Variants in EIF2AK4 observed in about 807,000 individuals in gnomAD.
EIF2AK4 encodes eIF-2-alpha kinase GCN2.
EIF2AK4 carries 139 observed loss-of-function variants against 211.1 expected under a neutral mutation model. The observed-to-expected ratio is 0.66, with a 90% CI of 0.57 to 0.76. The LOEUF is 0.76. EIF2AK4 is among the 30% of genes least tolerant of loss of function. The pLI is 0.00. For synonymous variants in EIF2AK4, 710 were observed against 751.3 expected, an observed-to-expected ratio of 0.94 and a Z score of 0.90; for missense variants, 1,664 against 2,043.8, an observed-to-expected ratio of 0.81 and a Z score of 3.58.
intron 32 of EIF2AK4, among the ~76,000 whole-genome samples, chr15:40,025,332 G>A (rs1199469448): frequency 2.0e-5 from 3 of 152,322 alleles, no homozygotes; most frequent in Admixed American, 2.0e-4. Context: ...TTGAACAGAA[G>A]GAGACATCAA....
intron 20 of EIF2AK4, 145 bp downstream of exon 20, chr15:39,998,929 C>T: frequency 1.5e-6 from 1 of 664,128 alleles, no homozygotes; most frequent in Non-Finnish European, 2.4e-6. Flanking sequence ...AGATGAAGCA[C>T]TTAAAATGTC....
Position 39,934,136 on chromosome 15 carries a change from G to GGCTGCCGGGGGCCC in EIF2AK4, c.-59_-46dup, listed in dbSNP as rs915787821. 4 of 1,234,304 alleles carry GGCTGCCGGGGGCCC rather than the reference G, an allele frequency of 3.2e-6. No individual in the cohort carries two copies. The highest frequency in any genetic ancestry group is 4.0e-6 in the Non-Finnish European group (4 of 991,512). 76.5% of individuals were successfully genotyped at this position (1,234,304 alleles called of 1,614,324 possible). On this transcript the variant is annotated 5_prime_UTR_variant, in exon 1 of 39. Coordinates refer to ENST00000263791, the MANE Select transcript of EIF2AK4 (RefSeq NM_001013703.4). ...CCCCAGCGCGGAGCCCCGCCCCGCAGGCTGCCGGGGGCCCACCGCCGCCCA... is the reference window on the plus strand; with the variant it reads ...CCCCAGCGCGGAGCCCCGCCCCGCAGGCTGCCGGGGGCCCGCTGCCGGGGGCCCACCGCCGCCCA...
intron 2 of EIF2AK4, among the ~76,000 whole-genome samples, chr15:39,940,964 C>T (rs922756797): frequency 6.6e-6 from 1 of 152,078 alleles, no homozygotes; most frequent in Admixed American, 6.5e-5. Flanking sequence ...AACTCAGTTT[C>T]TGTGAGTTAC....
Position 39,953,844 on chromosome 15 carries a change from A to G in EIF2AK4, c.514-60A>G, listed in dbSNP as rs1453431174. 2.0e-5 allele frequency: 31 copies of G among 1,516,020 alleles called. No individual in the cohort carries two copies. In the Middle Eastern group the frequency reaches 1.1e-3, roughly 51 times the overall value. The allele number at this position is 1,516,020 out of a possible 1,614,324, so 93.9% of individuals were successfully genotyped here. A position where few individuals can be genotyped will look rare whatever the true frequency, so the allele number is the denominator to read the frequency against. ...TTAAAAGATTTTTCTGTAGTTCCAT[A>G]ATTTATATGTTGTATGGGTTTCAGA... On this transcript the variant is annotated intron_variant, in intron 4 of 38. Coordinates refer to ENST00000263791, the MANE Select transcript of EIF2AK4 (RefSeq NM_001013703.4).
intron 16 of EIF2AK4, chr15:39,991,301 C>G (rs1033728046): frequency 2.0e-5 from 3 of 152,200 alleles, no homozygotes; most frequent in Non-Finnish European, 4.4e-5. Context: ...GTGCTGAGAC[C>G]AAGGACGGGC....
At chr15:39,994,604 G>C (rs1232360336) in intron 18 of EIF2AK4, among the ~76,000 whole-genome samples, 3 of 152,186 alleles carry the variant, frequency 2.0e-5, no homozygotes, top group Admixed American at 2.0e-4. Flanking sequence ...GCAAGACCCT[G>C]TCTGAATCAA....
chr15:39,944,463 G>A, intron 3 of EIF2AK4, among the ~76,000 whole-genome samples: 1 of 135,846 alleles, frequency 7.4e-6, no homozygotes, highest in South Asian at 2.4e-4. Context: ...GCGGAGTCTT[G>A]CTCTGTCACC....
At chr15:39,999,495 GA>G (rs2035064108) in intron 20 of EIF2AK4, among the ~76,000 whole-genome samples, 1 of 152,058 alleles carries the variant, frequency 6.6e-6, no homozygotes, top group South Asian at 2.1e-4. Context: ...CATTAATGTT[GA>G]GAACAAAAGC....
At chr15:39,998,593 A>C in intron 19 of EIF2AK4, 138 bp from the exon 20 acceptor site, 1 of 626,546 alleles carries the variant, frequency 1.6e-6, no homozygotes. Flanking sequence ...AATAAGCGTC[A>C]GGTTTCAAGA....
At chr15:39,954,147 A>C (rs1329048676) in intron 5 of EIF2AK4, among the ~76,000 whole-genome samples, 163 bp downstream of exon 5, 1 of 152,222 alleles carries the variant, frequency 6.6e-6, no homozygotes, top group Admixed American at 6.5e-5. Context: ...TAGGTGGCAA[A>C]ATTTAGAGTT....
chr15:39,955,069 T>A (rs1274393806), intron 5 of EIF2AK4, among the ~76,000 whole-genome samples: 1 of 152,248 alleles, frequency 6.6e-6, no homozygotes, highest in Admixed American at 6.5e-5. Flanking sequence ...ATGAGATCCC[T>A]GTTTCCACCA....
Position 39,978,162 on chromosome 15 carries a change from A to G in EIF2AK4, c.2319+15A>G. 7.1e-7 allele frequency: 1 copy of G among 1,405,668 alleles called. No individual in the cohort carries two copies. 87.1% of individuals were successfully genotyped at this position (1,405,668 alleles called of 1,614,324 possible). ...GTCAGAATCAGGTATATATATGAAT[A>G]GAAATTATATCATTTTATTCGTGAT... On this transcript the variant is annotated intron_variant, in intron 13 of 38. Coordinates refer to ENST00000263791, the MANE Select transcript of EIF2AK4 (RefSeq NM_001013703.4).
chr15:39,990,419 AGATGT>A, intron 16 of EIF2AK4, 42 bp downstream of exon 16: 1 of 1,512,720 alleles, frequency 6.6e-7, no homozygotes, highest in Non-Finnish European at 9.2e-7. Flanking sequence ...AAACAGACTC[AGATGT>A]CTTGATAATC....
At chr15:39,952,375 A>G (rs2034330836) in intron 4 of EIF2AK4, among the ~76,000 whole-genome samples, 1 of 151,414 alleles carries the variant, frequency 6.6e-6, no homozygotes, top group African/African-American at 2.4e-5. Flanking sequence ...ACCGCAGCTC[A>G]AGGGATCCTC....
rs866114974 is a variant in EIF2AK4 at position 39,992,187 on chromosome 15, C to T, written c.2644C>T (p.Gln882Ter). Residue 882 changes from glutamine (Q) to a stop codon, truncating the protein, a stop_gained, in exon 17 of 39, where the codon CAA (glutamine) becomes TAA (stop). Coordinates refer to ENST00000263791, the MANE Select transcript of EIF2AK4 (RefSeq NM_001013703.4). LOFTEE classifies it high-confidence loss of function. The stretch of plus-strand genomic sequence containing the variant: ...CTTATATTTTTAGGCTGACAGCAAA[C>T]AAGACGATCAGACAGGAGACTTGAT... ...DHLAFSADSK[Q>*]DDQTGDLIKS... 2 of 1,611,710 alleles carry T rather than the reference C, an allele frequency of 1.2e-6. No homozygotes were observed. Among genetic ancestry groups the T allele is most frequent in the Non-Finnish European group, 1.7e-6 (2 of 1,178,924 alleles).
intron 6 of EIF2AK4, among the ~76,000 whole-genome samples, chr15:39,960,276 T>G (rs1315753591): frequency 2.0e-5 from 3 of 151,292 alleles, no homozygotes; most frequent in Non-Finnish European, 4.4e-5. Flanking sequence ...AGAGAGGATG[T>G]GTAGGATTGG....
At chr15:40,017,553 A>ATGTG (rs2035327032) in intron 29 of EIF2AK4, among the ~76,000 whole-genome samples, 1 of 92,952 alleles carries the variant, frequency 1.1e-5, no homozygotes, top group Non-Finnish European at 2.2e-5. Flanking sequence ...ATATATATAT[A>ATGTG]TGTATTTTGG....
chr15:39,990,673 G>A (rs1323544042), intron 16 of EIF2AK4, among the ~76,000 whole-genome samples: 1 of 152,226 alleles, frequency 6.6e-6, no homozygotes, highest in African/African-American at 2.4e-5. Context: ...TACCATGCCT[G>A]GCACTGGGCT....
In EIF2AK4 at chr15:39,986,601, C is replaced by G. The variant is rs191636919; in HGVS notation, c.2403+713C>G. ...GGGCACGGTGGCTTACGCCTGCAATCCCAGCACTTTGGGAGGCCGAGGCGG... is the reference window on the plus strand; with the variant it reads ...GGGCACGGTGGCTTACGCCTGCAATGCCAGCACTTTGGGAGGCCGAGGCGG... On this transcript the variant is annotated intron_variant, in intron 14 of 38. Coordinates refer to ENST00000263791, the MANE Select transcript of EIF2AK4 (RefSeq NM_001013703.4). Among the ~76,000 whole-genome samples the G allele has an allele frequency of 1.2e-4, 19 of 152,360 alleles. No homozygotes were observed. In the East Asian group the frequency reaches 3.7e-3, roughly 29 times the overall value.
Sources: gnomAD v4.1 joint callset for allele counts (sites outside exome capture counted in the v4.1 genomes callset) on GRCh38, gnomAD v4.1.1 for gene constraint, MANE v1.5 for transcripts, NCBI Gene and HGNC (gene_info 2026-07-23, HGNC 2026-07-21) for gene names.